The following THSD7B variants were observed in gnomAD, a reference collection of about 807,000 sequenced individuals.
THSD7B encodes the protein thrombospondin type 1 domain containing 7B.
A neutral mutation model predicts 213.6 loss-of-function variants in THSD7B; 138 were observed. That is an observed-to-expected ratio of 0.65 (90% CI 0.56 to 0.74). The LOEUF (loss-of-function observed/expected upper bound fraction) is 0.74. Ranked by LOEUF, THSD7B falls within the 30% of genes least tolerant of loss-of-function variation. The pLI is 0.00. For missense variants in THSD7B, 1,931 were observed against 1,991.5 expected, an observed-to-expected ratio of 0.97 and a Z score of 0.58; for synonymous variants, 742 against 687.0, an observed-to-expected ratio of 1.08 and a Z score of -1.25.
At chr2:137,365,826 A>G (rs1283851603) in intron 12 of THSD7B, among the ~76,000 whole-genome samples, 1 of 152,214 alleles carries the variant, frequency 6.6e-6, no homozygotes, top group Non-Finnish European at 1.5e-5. Flanking sequence ...TGTGGAAGTC[A>G]GTGTGGCGAT....
Position 137,642,697 on chromosome 2 carries a change from A to G in THSD7B, c.3945+64A>G, listed in dbSNP as rs1038455855. ...TATATTCGAAGCACTTGTCTGGTCA[A>G]ACCTATGCGCTGATGGAATAAATTT... On this transcript the variant is annotated intron_variant, in intron 21 of 27. Coordinates refer to ENST00000409968, the MANE Select transcript of THSD7B (RefSeq NM_001316349.2). 28 of 1,567,760 alleles carry G rather than the reference A, an allele frequency of 1.8e-5. No individual in the cohort carries two copies. The African/African-American group carries it at 3.0e-4, about 17-fold the overall frequency.
chr2:137,143,523 T>C (rs1679634695), intron 5 of THSD7B, among the ~76,000 whole-genome samples: 1 of 152,198 alleles, frequency 6.6e-6, no homozygotes, highest in African/African-American at 2.4e-5. Context: ...GGAGATACTT[T>C]CTGCTTCCAG....
intron 6 of THSD7B, among the ~76,000 whole-genome samples, chr2:137,161,306 A>G (rs1195390596): frequency 6.6e-6 from 1 of 152,204 alleles, no homozygotes; most frequent in African/African-American, 2.4e-5. Context: ...AGTACTAAAA[A>G]AAATATTTCC....
chr2:137,356,387 T>A (rs954224767), intron 12 of THSD7B, among the ~76,000 whole-genome samples: 1 of 152,076 alleles, frequency 6.6e-6, no homozygotes, highest in Non-Finnish European at 1.5e-5. Flanking sequence ...TCAGATAACA[T>A]CCTTTTTGGA....
intron 15 of THSD7B, among the ~76,000 whole-genome samples, chr2:137,466,488 T>C (rs538017162): frequency 6.6e-6 from 1 of 152,132 alleles, no homozygotes; most frequent in Non-Finnish European, 1.5e-5. Flanking sequence ...TGAGATGGTT[T>C]TTTTTTATGA....
intron 7 of THSD7B, among the ~76,000 whole-genome samples, chr2:137,198,649 AT>A (rs1680814785): frequency 6.6e-6 from 1 of 152,156 alleles, no homozygotes; most frequent in African/African-American, 2.4e-5. Flanking sequence ...AAATGTTGTT[AT>A]AAAAAGGCTG....
At chr2:137,155,637 A>C (rs1001447811) in intron 5 of THSD7B, among the ~76,000 whole-genome samples, 2 of 152,138 alleles carry the variant, frequency 1.3e-5, no homozygotes, top group African/African-American at 4.8e-5. Flanking sequence ...AACAGCCACA[A>C]ATTTTTAAAA....
At chr2:137,673,282 G>A (rs1683619169) in intron 27 of THSD7B, among the ~76,000 whole-genome samples, 1 of 152,202 alleles carries the variant, frequency 6.6e-6, no homozygotes, top group Admixed American at 6.5e-5. Flanking sequence ...GTGTCTGCCA[G>A]TGATCTTTCA....
chr2:137,449,975 C>T (rs1327610394), intron 14 of THSD7B, among the ~76,000 whole-genome samples: 1 of 151,950 alleles, frequency 6.6e-6, no homozygotes. Flanking sequence ...CAACAGGATA[C>T]AGGAATCAGA....
At chr2:136,804,815 G>A (rs1483460847) in intron 1 of THSD7B, among the ~76,000 whole-genome samples, 1 of 152,132 alleles carries the variant, frequency 6.6e-6, no homozygotes, top group Admixed American at 6.5e-5. Context: ...GAGGTGTCAT[G>A]CTGCTGCCAG....
intron 14 of THSD7B, among the ~76,000 whole-genome samples, chr2:137,436,051 C>T (rs115058737): frequency 0.03 from 4,634 of 152,104 alleles, 100 homozygotes; most frequent in Middle Eastern, 0.048. Flanking sequence ...AGTCTGTATC[C>T]CCAATCCTAT....
At chr2:137,117,766 T>G (rs1332660362) in intron 5 of THSD7B, among the ~76,000 whole-genome samples, 1 of 152,168 alleles carries the variant, frequency 6.6e-6, no homozygotes, top group Non-Finnish European at 1.5e-5. Flanking sequence ...CCATGGATCC[T>G]TCTTGTAACA....
Position 137,223,490 on chromosome 2 carries a change from C to G in THSD7B, c.1724-7554C>G, listed in dbSNP as rs142219768. ...AAAATGAAATATCGAGTTTTACCAT[C>G]CAGTGCTAAGTTACTTTAAATGGAT... On this transcript the variant is annotated intron_variant, in intron 7 of 27. Transcript: ENST00000409968. Among the ~76,000 whole-genome samples, 1,101 of 152,198 alleles carry G rather than the reference C, an allele frequency of 7.2e-3. 16 individuals are homozygous for G. The highest frequency in any genetic ancestry group is 0.024 in the African/African-American group (1,013 of 41,516).
intron 15 of THSD7B, among the ~76,000 whole-genome samples, chr2:137,505,789 G>A (rs111731110): frequency 4.3e-4 from 65 of 152,344 alleles, no homozygotes; most frequent in Middle Eastern, 3.4e-3. Flanking sequence ...GGCCCACATT[G>A]GATAGCACCA....
At chr2:137,580,187 G>A (rs1332149052) in intron 17 of THSD7B, among the ~76,000 whole-genome samples, 1 of 151,878 alleles carries the variant, frequency 6.6e-6, no homozygotes, top group Non-Finnish European at 1.5e-5. Context: ...CTAGTTTCTG[G>A]ATTCCATTTT....
chr2:137,284,151 T>G (rs1402769229), intron 12 of THSD7B, among the ~76,000 whole-genome samples: 3 of 152,192 alleles, frequency 2.0e-5, no homozygotes, highest in Admixed American at 6.5e-5. Context: ...TCAAGGAATT[T>G]ATCCATTTCT....
chr2:136,956,481 A>AG (rs200379817), intron 2 of THSD7B, among the ~76,000 whole-genome samples: 2 of 4,880 alleles, frequency 4.1e-4, no homozygotes, highest in Non-Finnish European at 9.0e-3. Context: ...GTCCCTTAAG[A>AG]ATTTTTTTAA....
intron 15 of THSD7B, among the ~76,000 whole-genome samples, chr2:137,499,993 C>G (rs10194532): frequency 0.99 from 151,366 of 152,294 alleles, 75,232 homozygotes; most frequent in Middle Eastern, 1. Flanking sequence ...AAGAAATATA[C>G]GATGATAAAG....
At chr2:137,594,508 A>G (rs889593021) in intron 17 of THSD7B, among the ~76,000 whole-genome samples, 2 of 152,006 alleles carry the variant, frequency 1.3e-5, no homozygotes, top group Non-Finnish European at 2.9e-5. Flanking sequence ...TTGCCTTTGT[A>G]GAACATCAAG....
Sources: gnomAD v4.1 joint callset for allele counts (sites outside exome capture counted in the v4.1 genomes callset) on GRCh38, gnomAD v4.1.1 for gene constraint, MANE v1.5 for transcripts, NCBI Gene and HGNC (gene_info 2026-07-23, HGNC 2026-07-21) for gene names.